ENOX2: variants seen among roughly 807,000 people sequenced by gnomAD.
ENOX2 encodes APK1 antigen.
In ENOX2, 36 loss-of-function variants were observed where a neutral mutation model predicts 45.0. The observed-to-expected ratio is 0.80, with a 90% confidence interval of 0.61 to 1.06. The LOEUF is 1.06. ENOX2 is among the 50% of genes least tolerant of loss of function. The pLI is 0.00. For synonymous variants in ENOX2, 174 were observed against 152.3 expected (o/e 1.14, Z -1.05); for missense variants, 423 against 462.5 (o/e 0.91, Z 0.78).
chrX:130,735,145 A>T (rs184151911), intron 3 of ENOX2, among the ~76,000 whole-genome samples: 84 of 112,034 alleles, frequency 7.5e-4, no homozygotes, highest in Non-Finnish European at 1.5e-3. Flanking sequence ...TTCCAAGTAC[A>T]TTTTGTGTTC....
chrX:130,711,067 A>G (rs1028195455), intron 3 of ENOX2, among the ~76,000 whole-genome samples: 1 of 111,991 alleles, frequency 8.9e-6, no homozygotes, highest in African/African-American at 3.2e-5. Context: ...TTGTGAAAAG[A>G]TGACACAGGG....
chrX:130,751,635 C>T (rs775305060), intron 3 of ENOX2, among the ~76,000 whole-genome samples: 51 of 111,988 alleles, frequency 4.6e-4, no homozygotes, highest in African/African-American at 1.4e-3. Flanking sequence ...GAGGAACCAC[C>T]AAAGTGTTTT....
Position 130,778,528 on chromosome X carries a change from A to G in ENOX2, c.-39+5019T>C, listed in dbSNP as rs1452381848. ...TTATTTAATTATAACACTCCTGGTG[A>G]TGCTAGTCTACCTTAGATAAAGTTA... is the stretch of plus-strand genomic sequence containing the variant. On this transcript the variant is annotated intron_variant, in intron 3 of 14. Transcript: ENST00000394363. Among the ~76,000 whole-genome samples the G allele has an allele frequency of 5.4e-5, 6 of 112,031 alleles. No homozygotes were observed. The Admixed American group carries it at 5.7e-4, about 11-fold the overall frequency.
intron 2 of ENOX2, among the ~76,000 whole-genome samples, chrX:130,850,008 T>C (rs1270237821): frequency 8.9e-6 from 1 of 111,742 alleles, no homozygotes; most frequent in Non-Finnish European, 1.9e-5. Context: ...GAACACAGTT[T>C]GAAAATCTAT....
intron 2 of ENOX2, among the ~76,000 whole-genome samples, chrX:130,805,929 G>C (rs1405388695): frequency 8.9e-6 from 1 of 112,074 alleles, no homozygotes; most frequent in Non-Finnish European, 1.9e-5. Flanking sequence ...AAGGAAACAA[G>C]TAATTTTATC....
At chrX:130,850,660 T>C (rs995035190) in intron 2 of ENOX2, among the ~76,000 whole-genome samples, 9 of 112,400 alleles carry the variant, frequency 8.0e-5, no homozygotes, top group Non-Finnish European at 1.5e-4. Flanking sequence ...TAAAATTTTG[T>C]GGGAGCAAAT....
intron 8 of ENOX2, among the ~76,000 whole-genome samples, chrX:130,666,357 G>A (rs1043033275): frequency 5.4e-5 from 6 of 112,104 alleles, no homozygotes; most frequent in South Asian, 7.5e-4. Context: ...TGCTGTGTAA[G>A]TGCGGTCCTA....
Position 130,679,737 on chromosome X carries a change from G to A in ENOX2, c.265C>T (p.Pro89Ser). The change falls in exon 6 of 15, where the codon CCT becomes TCT. Residue 89 changes from proline to serine, a missense_variant. By Grantham distance (74) the Pro-to-Ser change is moderately conservative. This residue lies in a region of ENOX2 where 261 missense variants were observed against 306.8 expected (regional missense o/e 0.85). Coordinates refer to ENST00000394363, the MANE Select transcript of ENOX2 (RefSeq NM_006375.4). ...LFPPNPNLPPPATRERPPGCK... is the reference protein window; with the variant it reads ...LFPPNPNLPPSATRERPPGCK... ...CCTGGTGGTCTTTCTCGGGTTGCAG[G>A]AGGTGGGAGATCTAAGTTGTAAGGG... 2 of 1,206,643 alleles carry A rather than the reference G, an allele frequency of 1.7e-6. No individual in the cohort carries two copies. The highest frequency in any genetic ancestry group is 1.1e-6 in the Non-Finnish European group (1 of 890,683).
chrX:130,719,167 C>T (rs1319743031), intron 3 of ENOX2, among the ~76,000 whole-genome samples: 2 of 111,029 alleles, frequency 1.8e-5, no homozygotes, highest in Non-Finnish European at 3.8e-5. Context: ...ATTCTGCAAA[C>T]GATATAACCA....
At chrX:130,709,434 T>C in intron 3 of ENOX2, 1 of 533,982 alleles carries the variant, frequency 1.9e-6, no homozygotes. Flanking sequence ...AGGTCAGGAG[T>C]TCAAGACCAG....
intron 3 of ENOX2, among the ~76,000 whole-genome samples, chrX:130,767,838 A>C (rs1226324300): frequency 8.9e-6 from 1 of 112,159 alleles, no homozygotes; most frequent in Non-Finnish European, 1.9e-5. Flanking sequence ...CTACTTACAG[A>C]TATCTTTGCA....
intron 10 of ENOX2, among the ~76,000 whole-genome samples, chrX:130,644,377 C>G (rs145726576): frequency 9.8e-5 from 11 of 112,005 alleles, no homozygotes; most frequent in African/African-American, 3.6e-4. Context: ...ATCCAGCAAT[C>G]ATGCTCCTTA....
chrX:130,666,078 T>C (rs1337216524), intron 8 of ENOX2, among the ~76,000 whole-genome samples: 2 of 111,227 alleles, frequency 1.8e-5, no homozygotes, highest in Non-Finnish European at 3.8e-5. Context: ...AAATGCACTT[T>C]TATTTAGTAC....
intron 2 of ENOX2, among the ~76,000 whole-genome samples, chrX:130,835,300 C>T (rs2077910576): frequency 9.0e-6 from 1 of 111,489 alleles, no homozygotes; most frequent in South Asian, 3.8e-4. Context: ...AGGCAGTTTA[C>T]AAAGTACTTT....
At chrX:130,883,145 T>C (rs1354536361) in intron 2 of ENOX2, among the ~76,000 whole-genome samples, 1 of 111,716 alleles carries the variant, frequency 9.0e-6, no homozygotes, top group Admixed American at 9.5e-5. Context: ...AGTTTTGCTC[T>C]TGTTGCCCAG....
chrX:130,807,084 T>C (rs770162081), intron 2 of ENOX2, among the ~76,000 whole-genome samples: 1 of 112,277 alleles, frequency 8.9e-6, no homozygotes, highest in Non-Finnish European at 1.9e-5. Context: ...AACAGCCCTA[T>C]AGTTGCATTC....
At chrX:130,866,033 A>T (rs1222604165) in intron 2 of ENOX2, among the ~76,000 whole-genome samples, 2 of 111,602 alleles carry the variant, frequency 1.8e-5, no homozygotes, top group Non-Finnish European at 3.8e-5. Context: ...TCTATTATGC[A>T]ATCTCACACT....
chrX:130,748,972 G>A lies in ENOX2; in HGVS notation c.-39+34575C>T, dbSNP rs150878167. Among the ~76,000 whole-genome samples the A allele has an allele frequency of 9.4e-3, 1,055 of 111,945 alleles. 12 individuals are homozygous for A. The highest frequency in any genetic ancestry group is 0.032 in the African/African-American group (983 of 30,864). ...CCCATGGTTCTAGGAGGTAGGCTGA[G>A]CCTGGTCCTCAGCATTTAATTCACT... is the stretch of plus-strand genomic sequence containing the variant. On this transcript the variant is annotated intron_variant, in intron 3 of 14. Transcript: ENST00000394363.
intron 4 of ENOX2, among the ~76,000 whole-genome samples, chrX:130,700,716 T>C (rs2037877493): frequency 8.9e-6 from 1 of 112,043 alleles, no homozygotes. Context: ...TATTATATGG[T>C]AAGCAGTGTG....
Sources: gnomAD v4.1 joint callset for allele counts (sites outside exome capture counted in the v4.1 genomes callset) on GRCh38, gnomAD v4.1.1 for gene constraint, gnomAD v4.1.1 regional missense constraint, MANE v1.5 for transcripts, NCBI Gene and HGNC (gene_info 2026-07-23, HGNC 2026-07-21) for gene names.